OARD1: variants seen among roughly 807,000 people sequenced by gnomAD.
OARD1 encodes O-acyl-ADP-ribose deacylase 1, also known as ADP-ribose glycohydrolase OARD1.
Under a neutral mutation model 19.7 loss-of-function variants are expected in OARD1, and 19 were observed. The ratio of observed to expected loss-of-function variants is 0.96; its 90% CI spans 0.67 to 1.41. OARD1 has a LOEUF of 1.41. OARD1 is among the 40% of genes most tolerant of loss of function. The pLI, the probability that OARD1 is intolerant of heterozygous loss-of-function variation, is 0.00. For synonymous variants in OARD1, 70 were observed against 61.8 expected (o/e 1.13, Z -0.62); for missense variants, 190 against 183.8 (o/e 1.03, Z -0.20).
chr6:41,097,237 C>A, intron 1 of OARD1: 1 of 863,558 alleles, frequency 1.2e-6, no homozygotes, highest in Non-Finnish European at 1.9e-6. Context: ...AGATGTATTA[C>A]AAGCCTTTGA....
chr6:41,069,672 T>C (rs1473317063), intron 4 of OARD1: 2 of 239,902 alleles, frequency 8.3e-6, no homozygotes, highest in Non-Finnish European at 1.6e-5. Flanking sequence ...TTGTTTTTAT[T>C]CACCCCCTTG....
intron 1 of OARD1, among the ~76,000 whole-genome samples, chr6:41,083,557 A>G (rs1262742354): frequency 6.6e-6 from 1 of 152,180 alleles, no homozygotes; most frequent in African/African-American, 2.4e-5. Context: ...AAGCTTCCAG[A>G]GCTGCTTGCT....
At chr6:41,092,497 G>GT (rs1764222986) in intron 1 of OARD1, among the ~76,000 whole-genome samples, 1 of 152,186 alleles carries the variant, frequency 6.6e-6, no homozygotes, top group African/African-American at 2.4e-5. Context: ...GTGTTTTGGT[G>GT]TTTTTTAAGA....
upstream of OARD1, among the ~76,000 whole-genome samples, chr6:41,074,229 T>C (rs1192311855): frequency 6.6e-6 from 1 of 152,250 alleles, no homozygotes; most frequent in African/African-American, 2.4e-5. Context: ...GTTAACGTTT[T>C]CTCAGCAGAT....
chr6:41,080,659 C>G (rs1332097588), intron 1 of OARD1: 5 of 559,336 alleles, frequency 8.9e-6, no homozygotes, highest in Admixed American at 8.8e-5. Flanking sequence ...ATCCTACTAC[C>G]TTCAACAAAA....
intron 1 of OARD1, chr6:41,094,563 A>G (rs1764295690): frequency 1.6e-6 from 2 of 1,220,374 alleles, no homozygotes; most frequent in South Asian, 1.2e-5. Flanking sequence ...TGAAGCCTTC[A>G]GCAGTGTCCT....
chr6:41,090,423 A>C (rs994098213), intron 1 of OARD1: 7 of 194,954 alleles, frequency 3.6e-5, no homozygotes, highest in South Asian at 1.2e-4. Context: ...TTTTTTGGAC[A>C]AAAAAAAAAA....
At chr6:41,069,922 G>A in intron 4 of OARD1, 154 bp downstream of exon 4, 1 of 711,334 alleles carries the variant, frequency 1.4e-6, no homozygotes, top group Non-Finnish European at 2.6e-6. Flanking sequence ...CACTGGACTG[G>A]AGTTGTCATA....
chr6:41,069,391 A>G (rs1436312308), intron 4 of OARD1: 2 of 154,444 alleles, frequency 1.3e-5, no homozygotes, highest in Non-Finnish European at 2.9e-5. Flanking sequence ...TACATAAAAC[A>G]ACAGAAAAAA....
rs1207919439 is a variant in OARD1 at position 41,067,249 on chromosome 6, G to T, written c.*86C>A. 4 of 736,438 alleles carry T rather than the reference G, an allele frequency of 5.4e-6. No individual in the cohort carries two copies. In the African/African-American group the frequency reaches 7.0e-5, roughly 13 times the overall value. 45.6% of individuals were successfully genotyped at this position (736,438 alleles called of 1,614,324 possible). ...ACTACTTCTCATGAAACTTTCCTCT[G>T]CCTATTTTAAGGTAGGTTTGCCCGG... On this transcript the variant is annotated 3_prime_UTR_variant, in exon 6 of 6. Coordinates refer to ENST00000424266, the MANE Select transcript of OARD1 (RefSeq NM_001329686.2).
chr6:41,071,140 A>G lies in OARD1; in HGVS notation c.176T>C (p.Leu59Ser). The G allele has an allele frequency of 6.2e-7, 1 of 1,614,224 alleles. No homozygotes were observed. Among genetic ancestry groups the G allele is most frequent in the Non-Finnish European group, 8.5e-7 (1 of 1,180,016 alleles). Residue 59 changes from leucine (L) to serine (S), a missense_variant, in exon 3 of 6, where the codon TTA becomes TCA. Physicochemically the swap from Leu to Ser is moderately radical, Grantham distance 145. Coordinates refer to ENST00000424266, the MANE Select transcript of OARD1 (RefSeq NM_001329686.2). The part of the protein sequence containing the change: ...KKKFGGVQEL[L>S]NQQKKSGEVA... ...TGGTTTCCAAAACTCACGTTGATTT[A>G]AAAGTTCTTGCACCCCTCCAAATTT... is the stretch of plus-strand genomic sequence containing the variant.
At chr6:41,084,818 C>T (rs1181903054) in intron 1 of OARD1, among the ~76,000 whole-genome samples, 1 of 152,228 alleles carries the variant, frequency 6.6e-6, no homozygotes, top group Non-Finnish European at 1.5e-5. Context: ...AAAAATTAGC[C>T]GGGCGTGGTG....
chr6:41,095,821 T>A (rs1764337897), intron 1 of OARD1, among the ~76,000 whole-genome samples: 1 of 152,236 alleles, frequency 6.6e-6, no homozygotes, highest in Admixed American at 6.5e-5. Flanking sequence ...GGGTAGAGGA[T>A]TGTTTCGTTC....
In OARD1 at chr6:41,090,198, CTCCAGACACAGCAGCAGATTGCTG is replaced by C; in HGVS notation, c.-42+7491_-42+7514del. 5 of 1,588,186 alleles carry C rather than the reference CTCCAGACACAGCAGCAGATTGCTG, an allele frequency of 3.1e-6. No homozygotes were observed. In the African/African-American group the frequency reaches 4.0e-5, roughly 13 times the overall value. On this transcript the variant is annotated intron_variant, in intron 1 of 4. Transcript: ENST00000480585. ...GTTGAATTGTGTCATTACTTATTTCCTCCAGACACAGCAGCAGATTGCTGTCCAGGGACAGCAAGTGGCACAGAC... is the reference window on the plus strand; with the variant it reads ...GTTGAATTGTGTCATTACTTATTTCCTCCAGGGACAGCAAGTGGCACAGAC...
intron 1 of OARD1, among the ~76,000 whole-genome samples, chr6:41,090,727 C>G (rs1195337503): frequency 1.3e-5 from 2 of 152,074 alleles, no homozygotes; most frequent in African/African-American, 4.8e-5. Context: ...GAAGGGTCCT[C>G]AAAGAGCCTC....
chr6:41,080,166 A>T (rs915631811), intron 1 of OARD1, among the ~76,000 whole-genome samples: 1 of 152,186 alleles, frequency 6.6e-6, no homozygotes, highest in Non-Finnish European at 1.5e-5. Flanking sequence ...CTTAGTTTTG[A>T]AGCTGGGCAT....
upstream of OARD1, among the ~76,000 whole-genome samples, chr6:41,073,809 C>G (rs1327087465): frequency 6.6e-6 from 1 of 152,116 alleles, no homozygotes; most frequent in Non-Finnish European, 1.5e-5. Context: ...CCCGCTCCGC[C>G]CGGGTCTCCG....
intron 1 of OARD1, among the ~76,000 whole-genome samples, chr6:41,083,501 A>G (rs1763963889): frequency 1.3e-5 from 2 of 152,234 alleles, no homozygotes; most frequent in African/African-American, 4.8e-5. Context: ...TTGACATTTC[A>G]TTTTAGCTTG....
intron 1 of OARD1, chr6:41,080,853 C>T: frequency 2.5e-6 from 4 of 1,614,068 alleles, no homozygotes; most frequent in Non-Finnish European, 3.4e-6. Flanking sequence ...GACTGAGGCC[C>T]AGGTGGCATC....
Sources: gnomAD v4.1 joint callset for allele counts (sites outside exome capture counted in the v4.1 genomes callset) on GRCh38, gnomAD v4.1.1 for gene constraint, MANE v1.5 for transcripts, NCBI Gene and HGNC (gene_info 2026-07-23, HGNC 2026-07-21) for gene names.